DIP2A: variants seen among roughly 807,000 people sequenced by gnomAD.
DIP2A encodes DIP2 acetate--CoA ligase A.
Under a neutral mutation model 177.4 loss-of-function variants are expected in DIP2A, and 85 were observed. The ratio of observed to expected loss-of-function variants is 0.48; its 90% CI spans 0.40 to 0.57. The LOEUF (loss-of-function observed/expected upper bound fraction) is 0.57. DIP2A is among the 20% of genes least tolerant of loss of function. The pLI is 0.00. For missense variants in DIP2A, 1,791 were observed against 2,100.2 expected (o/e 0.85, Z 2.88); for synonymous variants, 886 against 881.8 (o/e 1.00, Z -0.08).
chr21:46,473,404 G>A (rs1360594570), intron 1 of DIP2A, among the ~76,000 whole-genome samples: 3 of 146,184 alleles, frequency 2.1e-5, no homozygotes, highest in South Asian at 2.3e-4. Context: ...GCAGTGAACC[G>A]TGATTATGCC....
At chr21:46,513,360 T>A (rs1396651414) in intron 8 of DIP2A, among the ~76,000 whole-genome samples, 1 of 152,192 alleles carries the variant, frequency 6.6e-6, no homozygotes, top group Non-Finnish European at 1.5e-5. Context: ...GAAAAGGCAA[T>A]CCTTTCCCCA....
intron 36 of DIP2A, 28 bp downstream of exon 36, chr21:46,565,915 G>A: frequency 6.2e-7 from 1 of 1,612,474 alleles, no homozygotes; most frequent in Non-Finnish European, 8.5e-7. Flanking sequence ...AGCCCTGCGT[G>A]AGTGCTGTGC....
chr21:46,549,152 A>G (rs2060174142), intron 21 of DIP2A, among the ~76,000 whole-genome samples: 1 of 152,136 alleles, frequency 6.6e-6, no homozygotes, highest in Admixed American at 6.5e-5. Context: ...GTACACACAC[A>G]CCAGTCAAGT....
intron 1 of DIP2A, among the ~76,000 whole-genome samples, chr21:46,478,463 C>T (rs1283617657): frequency 5.9e-5 from 9 of 152,008 alleles, no homozygotes; most frequent in Middle Eastern, 6.8e-3. Context: ...CTGCCTGCCT[C>T]GGCCTCCCAA....
At chr21:46,499,243 G>C (rs2057523364) in intron 5 of DIP2A, among the ~76,000 whole-genome samples, 1 of 152,056 alleles carries the variant, frequency 6.6e-6, no homozygotes, top group Admixed American at 6.5e-5. Flanking sequence ...TAGTCCTTTG[G>C]GGCATGGGGC....
Position 46,484,816 on chromosome 21 carries a change from C to T in DIP2A, c.151C>T (p.Pro51Ser). 5.1e-6 allele frequency: 8 copies of T among 1,583,154 alleles called. No individual in the cohort carries two copies. Among genetic ancestry groups the T allele is most frequent in the Non-Finnish European group, 6.9e-6 (8 of 1,164,396 alleles). Residue 51 changes from proline to serine, a missense_variant, in exon 2 of 38, where the codon CCG (proline) becomes TCG (serine). Pro to Ser is a moderately conservative substitution (Grantham distance 74). Transcript: ENST00000417564. ...KRAKLLARYIPLIQGIDPSLQ... is the reference protein window; with the variant it reads ...KRAKLLARYISLIQGIDPSLQ... The stretch of plus-strand genomic sequence containing the variant: ...GGCAAAGCTGCTTGCACGTTATATA[C>T]CGCTTATTCAAGGTAAGGTCAATAC...
chr21:46,521,184 G>T (rs1211141834), intron 8 of DIP2A, among the ~76,000 whole-genome samples: 2 of 151,908 alleles, frequency 1.3e-5, no homozygotes, highest in African/African-American at 4.8e-5. Context: ...AAAAATCTTT[G>T]TTTTCTTTTC....
At chr21:46,463,719 T>TGTGTGTGTGTGTGTGTGTGTGTGTGTG (rs35675489) in intron 1 of DIP2A, among the ~76,000 whole-genome samples, 1 of 122,412 alleles carries the variant, frequency 8.2e-6, no homozygotes, top group Non-Finnish European at 1.6e-5. Flanking sequence ...TGTGTGTGTG[T>TGTGTGTGTGTGTGTGTGTGTGTGTGTG]ATATTTTGAG....
Position 46,545,133 on chromosome 21 carries a change from T to A in DIP2A, c.2177-4T>A. 6.4e-7 allele frequency: 1 copy of A among 1,568,574 alleles called. No individual in the cohort carries two copies. Among genetic ancestry groups the A allele is most frequent in the Non-Finnish European group, 8.7e-7 (1 of 1,151,590 alleles). ...ATAATTTTGAGTTTTTTTTCTCATTTTAGCTAATGTATGTGTTGTGAAGTT... is the reference window on the plus strand; with the variant it reads ...ATAATTTTGAGTTTTTTTTCTCATTATAGCTAATGTATGTGTTGTGAAGTT... On this transcript the variant is annotated splice_region_variant and splice_polypyrimidine_tract_variant and intron_variant, in intron 18 of 37. Transcript: ENST00000417564.
intron 9 of DIP2A, among the ~76,000 whole-genome samples, chr21:46,531,611 A>G (rs2059360194): frequency 6.6e-6 from 1 of 152,254 alleles, no homozygotes. Context: ...TAGGTGAATC[A>G]TAATAAAATG....
At chr21:46,551,110 C>T (rs1487338971) in intron 23 of DIP2A, among the ~76,000 whole-genome samples, 2 of 152,224 alleles carry the variant, frequency 1.3e-5, no homozygotes, top group African/African-American at 4.8e-5. Context: ...CATCACATCA[C>T]CCAGTGTCTG....
At chr21:46,528,943 C>A in intron 8 of DIP2A, 149 bp from the exon 9 acceptor site, 1 of 493,506 alleles carries the variant, frequency 2.0e-6, no homozygotes, top group Non-Finnish European at 3.5e-6. Flanking sequence ...TTCATTACAA[C>A]ATTGTGCAGA....
intron 7 of DIP2A, 45 bp downstream of exon 7, chr21:46,509,421 G>A (rs2058196851): frequency 2.5e-6 from 4 of 1,571,510 alleles, no homozygotes; most frequent in Middle Eastern, 1.7e-4. Flanking sequence ...TATGAAAAGG[G>A]TGGCCACGAA....
intron 34 of DIP2A, among the ~76,000 whole-genome samples, chr21:46,562,273 G>A (rs558843258): frequency 6.6e-6 from 1 of 152,308 alleles, no homozygotes; most frequent in East Asian, 1.9e-4. Flanking sequence ...GGACTCCCAG[G>A]AAAAAACTGA....
At chr21:46,535,757 G>A (rs573855072) in intron 13 of DIP2A, among the ~76,000 whole-genome samples, 4 of 152,288 alleles carry the variant, frequency 2.6e-5, no homozygotes, top group East Asian at 1.9e-4. Flanking sequence ...TCAGCTCAGA[G>A]CTGATCTTAC....
chr21:46,531,251 C>T (rs2059345113), intron 9 of DIP2A, among the ~76,000 whole-genome samples: 1 of 152,080 alleles, frequency 6.6e-6, no homozygotes. Flanking sequence ...TCCTCAGCAG[C>T]AGGGGACACT....
chr21:46,550,684 G>A lies in DIP2A; in HGVS notation c.2779G>A (p.Val927Met), dbSNP rs756368518. 3.1e-6 allele frequency: 5 copies of A among 1,614,056 alleles called. No individual in the cohort carries two copies. The Admixed American group carries it at 5.0e-5, about 16-fold the overall frequency. The part of the protein sequence containing the change: ...FLEGTLHPCN[V>M]LMCPHTCVTN... ...GGAAGGGACGCTGCACCCGTGTAATGTGCTGATGTGCCCTCACACCTGTGT... is the reference window on the plus strand; with the variant it reads ...GGAAGGGACGCTGCACCCGTGTAATATGCTGATGTGCCCTCACACCTGTGT... The change falls in exon 23 of 38, where the codon GTG becomes ATG. Residue 927 changes from valine (V) to methionine (M), a missense_variant. Physicochemically the swap from Val to Met is conservative, Grantham distance 21. Coordinates refer to ENST00000417564, the MANE Select transcript of DIP2A (RefSeq NM_015151.4).
At chr21:46,512,437 T>C (rs9981276) in intron 8 of DIP2A, among the ~76,000 whole-genome samples, 5 of 152,174 alleles carry the variant, frequency 3.3e-5, no homozygotes, top group South Asian at 4.2e-4. Flanking sequence ...GTTCCAGTTA[T>C]CTCTTTTCTC....
At chr21:46,524,334 T>G (rs79495691) in intron 8 of DIP2A, among the ~76,000 whole-genome samples, 4,994 of 152,224 alleles carry the variant, frequency 0.033, 143 homozygotes, top group African/African-American at 0.078. Flanking sequence ...TGCCCTTGCC[T>G]TTTATTAAGA....
Sources: allele counts gnomAD v4.1 joint callset (sites outside exome capture counted in the v4.1 genomes callset), GRCh38; gene constraint gnomAD v4.1.1; transcripts MANE v1.5; gene names NCBI Gene and HGNC (gene_info 2026-07-23, HGNC 2026-07-21).